PRG3: variants seen among roughly 807,000 people sequenced by gnomAD.
PRG3 encodes the protein proteoglycan 3, pro eosinophil major basic protein 2.
PRG3 carries 25 observed loss-of-function variants against 26.1 expected under a neutral mutation model. That is an observed-to-expected ratio of 0.96 (90% CI 0.70 to 1.34). The LOEUF (loss-of-function observed/expected upper bound fraction) is 1.34. Among genes scored for constraint, PRG3 ranks in the 40% most tolerant of loss-of-function variants. The pLI is 0.00. For missense variants in PRG3, 280 were observed against 264.8 expected (o/e 1.06, Z -0.40); for synonymous variants, 111 against 100.4 (o/e 1.11, Z -0.63).
rs139866329 is a variant in PRG3 at position 57,377,823 on chromosome 11, C to T, written c.521G>A (p.Arg174Gln). The change falls in exon 5 of 6, where the codon CGG becomes CAG. Residue 174 changes from arginine to glutamine, a missense_variant. By Grantham distance (43) the Arg-to-Gln change is conservative. Coordinates refer to ENST00000287143, the MANE Select transcript of PRG3 (RefSeq NM_006093.4). ...GNLRGWFLWK[R>Q]FCWTDGSHWN... ...GTGGCTCCCATCAGTCCAGCAAAAC[C>T]GCTTCCACAGGAACTAGAGAAGTGA... 1.4e-3 allele frequency: 2,319 copies of T among 1,612,830 alleles called. 4 individuals carry two copies. Among genetic ancestry groups the T allele is most frequent in the Middle Eastern group, 2.0e-3 (12 of 6,060 alleles).
chr11:57,377,747 G>T lies in PRG3; in HGVS notation c.597C>A (p.Ser199=). 1 of 1,612,986 alleles carries T rather than the reference G, an allele frequency of 6.2e-7. No homozygotes were observed. The highest frequency in any genetic ancestry group is 8.5e-7 in the Non-Finnish European group (1 of 1,179,860). The change falls in exon 5 of 6, where the codon TCC becomes TCA. Residue 199 remains serine, a synonymous_variant. Transcript: ENST00000287143. ...CACCTTTGGTGCATAGGGCCACACA[G>T]GAGCCTTGCCCATTCCCAGGTTGCC... is the stretch of plus-strand genomic sequence containing the variant. ...SPGQPGNGQG[S]CVALCTKGGY...
chr11:57,379,811 GGAA>G lies in PRG3; in HGVS notation c.62-7_62-5del, dbSNP rs746128482. 6.3e-7 allele frequency: 1 copy of G among 1,599,606 alleles called. No homozygotes were observed. The highest frequency in any genetic ancestry group is 1.1e-5 in the South Asian group (1 of 89,494). ...TCCAGATGGGGGGCATCATTCTCTG[GGAA>G]GAAGAGGTAACCTGCCATCAGGTCA... On this transcript the variant is annotated splice_region_variant and splice_polypyrimidine_tract_variant and intron_variant, in intron 2 of 5. Transcript: ENST00000287143.
intron 5 of PRG3, among the ~76,000 whole-genome samples, chr11:57,377,484 G>A (rs1856955539): frequency 6.6e-6 from 1 of 152,042 alleles, no homozygotes; most frequent in Non-Finnish European, 1.5e-5. Context: ...CATATCAAAG[G>A]AGGCAAAGAA....
intron 3 of PRG3, 74 bp downstream of exon 3, chr11:57,379,420 A>T (rs1156243588): frequency 1.4e-6 from 2 of 1,403,930 alleles, no homozygotes; most frequent in Non-Finnish European, 1.9e-6. Flanking sequence ...ACTAGCCTAA[A>T]TGAATAGGGA....
intron 4 of PRG3, 108 bp downstream of exon 4, chr11:57,378,573 C>G (rs555602783): frequency 1.4e-6 from 2 of 1,426,330 alleles, no homozygotes; most frequent in Non-Finnish European, 1.9e-6. Context: ...TCATTGCCTG[C>G]CACATTAAGG....
intron 4 of PRG3, 77 bp downstream of exon 4, chr11:57,378,604 A>G: frequency 6.4e-7 from 1 of 1,559,004 alleles, no homozygotes; most frequent in Non-Finnish European, 8.8e-7. Flanking sequence ...TGCTGGCCTG[A>G]GGCTTGGCAC....
intron 3 of PRG3, 39 bp from the exon 4 acceptor site, chr11:57,378,851 A>T: frequency 6.2e-7 from 1 of 1,608,594 alleles, no homozygotes; most frequent in Non-Finnish European, 8.5e-7. Context: ...CCTCTCATTT[A>T]TTTCAAGTTT....
At position 57,379,554 on chromosome 11, in the gene PRG3, T is replaced by C. The variant is rs1856977536; in HGVS notation, c.315A>G (p.Pro105=). Residue 105 remains proline (P), a synonymous_variant, in exon 3 of 6, where the codon CCA becomes CCG. Coordinates refer to ENST00000287143, the MANE Select transcript of PRG3 (RefSeq NM_006093.4). ...EEDIVEVQGS[P]RCKICRYLLV... ...ATAGGTAGCGGCAGATCTTGCACCT[T>C]GGACTTCCCTGCACTTCAACAATGT... The C allele has an allele frequency of 6.2e-7, 1 of 1,613,594 alleles. No homozygotes were observed. Among genetic ancestry groups the C allele is most frequent in the African/African-American group, 1.3e-5 (1 of 74,944 alleles).
At position 57,379,752 on chromosome 11, in the gene PRG3, A is replaced by C; in HGVS notation, c.117T>G (p.Asp39Glu). Residue 39 changes from aspartate to glutamate, a missense_variant, in exon 3 of 6, where the codon GAT becomes GAG. Asp to Glu is a conservative substitution (Grantham distance 45). Transcript: ENST00000287143. ...SLETQADLGQDLDSSKEQERD... is the reference protein window; with the variant it reads ...SLETQADLGQELDSSKEQERD... ...TCTCCTGCTCCTTTGAACTATCCAG[A>C]TCCTGGCCTAGGTCTGCCTGTGTCT... 1 of 1,613,854 alleles carries C rather than the reference A, an allele frequency of 6.2e-7. No individual in the cohort carries two copies. The highest frequency in any genetic ancestry group is 1.1e-5 in the South Asian group (1 of 91,078).
intron 5 of PRG3, among the ~76,000 whole-genome samples, chr11:57,377,336 C>G (rs1294250401): frequency 6.6e-6 from 1 of 152,138 alleles, no homozygotes. Context: ...ATGCTGCTGC[C>G]CATGTCTGCT....
intron 3 of PRG3, 78 bp from the exon 4 acceptor site, chr11:57,378,890 C>A: frequency 6.4e-7 from 1 of 1,564,986 alleles, no homozygotes. Flanking sequence ...GCCCGGCATC[C>A]CTTTTCAGGT....
rs749419989 is a variant in PRG3 at position 57,376,834 on chromosome 11, T to C, written c.*16A>G. The stretch of plus-strand genomic sequence containing the variant: ...GGACGGGAGGGAGCTGCTGGCAGGG[T>C]CTCCGTGCCGCTGGCTTAGAAGGAG... On this transcript the variant is annotated 3_prime_UTR_variant, in exon 6 of 6. Coordinates refer to ENST00000287143, the MANE Select transcript of PRG3 (RefSeq NM_006093.4). 6.2e-7 allele frequency: 1 copy of C among 1,611,998 alleles called. No homozygotes were observed. Among genetic ancestry groups the C allele is most frequent in the South Asian group, 1.1e-5 (1 of 91,046 alleles).
intron 2 of PRG3, among the ~76,000 whole-genome samples, chr11:57,380,415 A>G (rs1856987478): frequency 8.9e-5 from 1 of 11,280 alleles, no homozygotes; most frequent in Admixed American, 1.8e-3. Flanking sequence ...AAAACAAAAA[A>G]CAAACAAAAA....
Position 57,376,826 on chromosome 11 carries a change from T to TG in PRG3, c.*23dup. Reference sequence around the variant, plus strand: ...AGGTTGGGGGACGGGAGGGAGCTGCTGGCAGGGTCTCCGTGCCGCTGGCTT... The same window carrying TG: ...AGGTTGGGGGACGGGAGGGAGCTGCTGGGCAGGGTCTCCGTGCCGCTGGCTT... On this transcript the variant is annotated 3_prime_UTR_variant, in exon 6 of 6. Transcript: ENST00000287143. The TG allele has an allele frequency of 6.2e-7, 1 of 1,611,846 alleles. No individual in the cohort carries two copies. The highest frequency in any genetic ancestry group is 8.5e-7 in the Non-Finnish European group (1 of 1,179,352).
chr11:57,378,573 C>T (rs555602783), intron 4 of PRG3, 108 bp downstream of exon 4: 4 of 1,426,330 alleles, frequency 2.8e-6, no homozygotes, highest in Admixed American at 2.0e-5. Context: ...TCATTGCCTG[C>T]CACATTAAGG....
Position 57,379,829 on chromosome 11 carries a change from C to T in PRG3, c.62-22G>A, listed in dbSNP as rs200682830. ...TTCTCTGGGAAGAAGAGGTAACCTGCCATCAGGTCAAGAGCTTCCTAGTTC... is the reference window on the plus strand; with the variant it reads ...TTCTCTGGGAAGAAGAGGTAACCTGTCATCAGGTCAAGAGCTTCCTAGTTC... On this transcript the variant is annotated intron_variant, in intron 2 of 5. Transcript: ENST00000287143. The T allele has an allele frequency of 3.5e-4, 560 of 1,584,104 alleles. 1 individual carries two copies. The highest frequency in any genetic ancestry group is 2.7e-3 in the Middle Eastern group (16 of 5,924).
intron 5 of PRG3, among the ~76,000 whole-genome samples, chr11:57,377,462 A>G (rs1856955353): frequency 6.6e-6 from 1 of 152,040 alleles, no homozygotes; most frequent in Admixed American, 6.5e-5. Context: ...TGTTGTTCGA[A>G]TTTATTGCCC....
intron 4 of PRG3, 64 bp from the exon 5 acceptor site, chr11:57,377,900 CCT>C (rs1856960072): frequency 2.9e-6 from 4 of 1,358,484 alleles, no homozygotes; most frequent in Admixed American, 3.6e-5. Context: ...TGGAATACCC[CCT>C]GTTGACTTCT....
At position 57,379,702 on chromosome 11, in the gene PRG3, A is replaced by G. The variant is rs1590651974; in HGVS notation, c.167T>C (p.Val56Ala). The G allele has an allele frequency of 2.5e-6, 4 of 1,613,456 alleles. No individual in the cohort carries two copies. The highest frequency in any genetic ancestry group is 3.4e-6 in the Non-Finnish European group (4 of 1,179,952). Reference protein sequence around the residue: ...QERDLALTEEVIQAEGEEVKA... With the variant: ...QERDLALTEEAIQAEGEEVKA... The stretch of plus-strand genomic sequence containing the variant: ...GACCTCCTCTCCCTCTGCCTGAATC[A>G]CCTCCTCCGTCAGAGCCAAGTCTCT... Residue 56 changes from valine to alanine, a missense_variant, in exon 3 of 6, where the codon GTG (valine) becomes GCG (alanine). Val to Ala is a moderately conservative substitution (Grantham distance 64). Transcript: ENST00000287143.
Sources: gnomAD v4.1 joint callset for allele counts (sites outside exome capture counted in the v4.1 genomes callset) on GRCh38, gnomAD v4.1.1 for gene constraint, MANE v1.5 for transcripts, NCBI Gene and HGNC (gene_info 2026-07-23, HGNC 2026-07-21) for gene names.